The following TSNARE1 variants were observed in gnomAD, a reference collection of about 807,000 sequenced individuals.
The protein encoded by TSNARE1 is t-SNARE domain-containing protein 1.
Under a neutral mutation model 62.0 loss-of-function variants are expected in TSNARE1, and 49 were observed. That is an observed-to-expected ratio of 0.79 (90% CI 0.63 to 1.00). TSNARE1 has a LOEUF of 1.00. Ranked by LOEUF, TSNARE1 falls within the 50% of genes least tolerant of loss-of-function variation. TSNARE1 has a pLI of 0.00. For missense variants in TSNARE1, 755 were observed against 700.1 expected (o/e 1.08, Z -0.88); for synonymous variants, 328 against 294.4 (o/e 1.11, Z -1.17).
chr8:142,269,728 G>A (rs1394920207), intron 12 of TSNARE1: 11 of 985,282 alleles, frequency 1.1e-5, no homozygotes, highest in Non-Finnish European at 1.3e-5. Context: ...CAGGATGGAA[G>A]GCCAGCTTTC....
At chr8:142,280,524 G>A (rs1045774613) in intron 11 of TSNARE1, among the ~76,000 whole-genome samples, 1 of 152,164 alleles carries the variant, frequency 6.6e-6, no homozygotes, top group Admixed American at 6.5e-5. Flanking sequence ...TGTCCACCCG[G>A]CAGGTGCCCT....
chr8:142,344,104 G>T lies in TSNARE1; in HGVS notation c.607C>A (p.Arg203=). The change falls in exon 4 of 14, where the codon CGG becomes AGG. Residue 203 remains arginine (R), a synonymous_variant. Transcript: ENST00000524325. The stretch of plus-strand genomic sequence containing the variant: ...GGGCTGGGGCCATGGGCCGCCTTCC[G>T]GAGGTCGCCCAGCTTGCGCCGCACG... The part of the protein sequence containing the change: ...AVVRRKLGDL[R]KAAHGPSPGS... 1 of 1,610,894 alleles carries T rather than the reference G, an allele frequency of 6.2e-7. No individual in the cohort carries two copies. The highest frequency in any genetic ancestry group is 1.1e-5 in the South Asian group (1 of 90,858).
intron 9 of TSNARE1, among the ~76,000 whole-genome samples, chr8:142,308,634 TCACA>T (rs1477785501): frequency 6.6e-6 from 1 of 152,190 alleles, no homozygotes; most frequent in Non-Finnish European, 1.5e-5. Context: ...GTGTCTAGCC[TCACA>T]CAAACACCAC....
At chr8:142,284,611 C>T in intron 10 of TSNARE1, 126 bp from the exon 11 acceptor site, 1 of 737,394 alleles carries the variant, frequency 1.4e-6, no homozygotes, top group Non-Finnish European at 2.4e-6. Context: ...AACCAGAGAA[C>T]AGCTGGGGAC....
intron 13 of TSNARE1, among the ~76,000 whole-genome samples, chr8:142,224,791 G>T (rs1415919153): frequency 6.6e-6 from 1 of 152,138 alleles, no homozygotes; most frequent in African/African-American, 2.4e-5. Context: ...TGAATGGGAT[G>T]TGTCCAGACC....
rs143236393 is a variant in TSNARE1 at position 142,326,789 on chromosome 8, G to A, written c.893+4112C>T. ...CTCAACAGTAAAAAGAAAAATACCC[G>A]ATCAGGACATGGGCAAAGGATCTGA... On this transcript the variant is annotated intron_variant, in intron 6 of 13. Transcript: ENST00000524325. Among the ~76,000 whole-genome samples the A allele has an allele frequency of 8.3e-3, 1,269 of 152,326 alleles. 12 individuals are homozygous for A. The highest frequency in any genetic ancestry group is 0.014 in the Admixed American group (209 of 15,300).
intron 13 of TSNARE1, among the ~76,000 whole-genome samples, chr8:142,213,013 C>CT: frequency 3.4e-5 from 2 of 58,852 alleles, no homozygotes; most frequent in African/African-American, 7.9e-5. Flanking sequence ...CCCCCTCCCT[C>CT]CTCCTCCCTC....
intron 13 of TSNARE1, among the ~76,000 whole-genome samples, chr8:142,224,878 G>T (rs763169810): frequency 6.6e-5 from 10 of 152,156 alleles, no homozygotes; most frequent in Admixed American, 3.3e-4. Context: ...GGCTGAGCCC[G>T]CGGGGAGTGG....
chr8:142,364,435 T>C (rs1835391334), intron 1 of TSNARE1, among the ~76,000 whole-genome samples: 1 of 152,118 alleles, frequency 6.6e-6, no homozygotes, highest in Non-Finnish European at 1.5e-5. Context: ...CATAGCTGAG[T>C]GTGTACATGA....
intron 12 of TSNARE1, among the ~76,000 whole-genome samples, chr8:142,268,723 G>T (rs963926903): frequency 6.6e-6 from 1 of 152,178 alleles, no homozygotes; most frequent in Admixed American, 6.5e-5. Flanking sequence ...AAGGGAGGGT[G>T]TGTGACCTTC....
At chr8:142,322,609 T>G (rs946948072) in intron 6 of TSNARE1, among the ~76,000 whole-genome samples, 1 of 152,204 alleles carries the variant, frequency 6.6e-6, no homozygotes, top group African/African-American at 2.4e-5. Context: ...CTCTTATATT[T>G]CTATGGAGTT....
chr8:142,331,881 G>A (rs1444186515), intron 4 of TSNARE1, 50 bp from the exon 5 acceptor site: 2 of 1,543,182 alleles, frequency 1.3e-6, no homozygotes, highest in East Asian at 2.4e-5. Context: ...GGTGAAGCCT[G>A]CAGGCCCAGC....
At chr8:142,299,874 A>T (rs1038695859) in intron 10 of TSNARE1, among the ~76,000 whole-genome samples, 15 of 152,290 alleles carry the variant, frequency 9.8e-5, no homozygotes, top group Admixed American at 9.8e-4. Flanking sequence ...CACATTTGGC[A>T]GCAGGTATTA....
chr8:142,386,993 A>C (rs567532562), intron 1 of TSNARE1, among the ~76,000 whole-genome samples: 2 of 152,344 alleles, frequency 1.3e-5, no homozygotes, highest in African/African-American at 2.4e-5. Context: ...TCCGTAACCC[A>C]AAACAAAAAC....
chr8:142,282,997 T>C (rs551136605), intron 11 of TSNARE1, among the ~76,000 whole-genome samples: 204 of 149,260 alleles, frequency 1.4e-3, no homozygotes, highest in African/African-American at 5.0e-3. Flanking sequence ...GGGGTCAGTG[T>C]CTGCCAATGA....
intron 12 of TSNARE1, chr8:142,269,792 T>C: frequency 6.1e-6 from 6 of 985,406 alleles, no homozygotes; most frequent in South Asian, 4.7e-5. Context: ...AGCAGCACCA[T>C]GCGCACCCAT....
At chr8:142,380,334 C>T (rs965954704) in intron 1 of TSNARE1, among the ~76,000 whole-genome samples, 5 of 152,194 alleles carry the variant, frequency 3.3e-5, no homozygotes, top group South Asian at 2.1e-4. Context: ...CGGGCACCAC[C>T]GGACACAGCA....
intron 4 of TSNARE1, among the ~76,000 whole-genome samples, chr8:142,341,284 G>A (rs1832552199): frequency 6.6e-6 from 1 of 152,164 alleles, no homozygotes; most frequent in Non-Finnish European, 1.5e-5. Flanking sequence ...CCCCAGGCCT[G>A]GCCAGGCAGT....
rs1816629807 is a variant in TSNARE1 at position 142,223,591 on chromosome 8, T to TTCCC, written c.*11+5881_*11+5882insGGGA. ...ATTCACTAACTCATCCACTCACTCATTCACTCACTCACTCATTTATCCACT... is the reference window on the plus strand; with the variant it reads ...ATTCACTAACTCATCCACTCACTCATTCCCTCACTCACTCACTCATTTATCCACT... On this transcript the variant is annotated intron_variant, in intron 13 of 13. Coordinates refer to ENST00000524325, the MANE Select transcript of TSNARE1 (RefSeq NM_145003.5). 6.8e-4 allele frequency among the ~76,000 whole-genome samples: 3 copies of TTCCC among 4,432 alleles called. 1 individual carries two copies. Among genetic ancestry groups the TTCCC allele is most frequent in the Non-Finnish European group, 2.7e-3 (3 of 1,128 alleles). 2.9% of individuals were successfully genotyped at this position (4,432 alleles called of 152,430 possible). A position where few individuals can be genotyped will look rare whatever the true frequency, so the allele number is the denominator to read the frequency against.
Sources: allele counts gnomAD v4.1 joint callset (sites outside exome capture counted in the v4.1 genomes callset), GRCh38; gene constraint gnomAD v4.1.1; transcripts MANE v1.5; gene names NCBI Gene and HGNC (gene_info 2026-07-23, HGNC 2026-07-21).